The following BMP6 variants were observed in gnomAD, a reference collection of about 807,000 sequenced individuals.
BMP6 encodes bone morphogenetic protein 6, also known as VG-1-R.
In BMP6, 17 loss-of-function variants were observed where a neutral mutation model predicts 54.1. That is an observed-to-expected ratio of 0.31 (90% CI 0.22 to 0.47). BMP6 has a LOEUF of 0.47. Ranked by LOEUF, BMP6 falls within the 20% of genes least tolerant of loss-of-function variation. The pLI is 1.00. For synonymous variants in BMP6, 328 were observed against 291.2 expected, an observed-to-expected ratio of 1.13 and a Z score of -1.28; for missense variants, 720 against 690.4, an observed-to-expected ratio of 1.04 and a Z score of -0.48.
intron 1 of BMP6, among the ~76,000 whole-genome samples, chr6:7,730,768 A>G (rs1761840330): frequency 6.6e-6 from 1 of 152,240 alleles, no homozygotes; most frequent in Non-Finnish European, 1.5e-5. Flanking sequence ...ATTGCTGTCA[A>G]TGCCATGTTA....
rs140428435 is a variant in BMP6 at position 7,826,483 on chromosome 6, T to C, written c.665-18657T>C. On this transcript the variant is annotated intron_variant, in intron 1 of 6. Transcript: ENST00000283147. ...GGCTAATTATGTTACTTACGACTTA[T>C]GTTGCACTGGGCTCCTTAATGCCAA... 4.0e-3 allele frequency among the ~76,000 whole-genome samples: 609 copies of C among 152,302 alleles called. 1 individual carries two copies. The highest frequency in any genetic ancestry group is 4.1e-3 in the Non-Finnish European group (280 of 68,018).
At chr6:7,841,603 T>C (rs13215253) in intron 1 of BMP6, among the ~76,000 whole-genome samples, 4 of 152,110 alleles carry the variant, frequency 2.6e-5, no homozygotes, top group African/African-American at 9.7e-5. Context: ...CAGTGATCAG[T>C]GGCTGAGGTA....
chr6:7,826,062 C>G (rs1164585416), intron 1 of BMP6, among the ~76,000 whole-genome samples: 1 of 152,232 alleles, frequency 6.6e-6, no homozygotes. Flanking sequence ...GTGAAGTGGG[C>G]TCCGGGTACC....
intron 1 of BMP6, among the ~76,000 whole-genome samples, chr6:7,808,951 C>A (rs1758394451): frequency 6.8e-6 from 1 of 147,226 alleles, no homozygotes. Context: ...GGTGAACATT[C>A]ACCTACTCTG....
intron 1 of BMP6, among the ~76,000 whole-genome samples, chr6:7,732,847 CT>C (rs1295297259): frequency 6.6e-6 from 1 of 152,012 alleles, no homozygotes; most frequent in Non-Finnish European, 1.5e-5. Context: ...CAAACCAATC[CT>C]TCACTTTCTG....
At chr6:7,815,049 A>G (rs1184300214) in intron 1 of BMP6, among the ~76,000 whole-genome samples, 1 of 152,166 alleles carries the variant, frequency 6.6e-6, no homozygotes, top group Non-Finnish European at 1.5e-5. Context: ...AAATATTCAA[A>G]TTGTGTGATG....
At chr6:7,758,905 T>C (rs1325536761) in intron 1 of BMP6, among the ~76,000 whole-genome samples, 2 of 152,200 alleles carry the variant, frequency 1.3e-5, no homozygotes, top group East Asian at 1.9e-4. Context: ...GGTGCAGCCA[T>C]GGTAGAATAG....
intron 1 of BMP6, among the ~76,000 whole-genome samples, chr6:7,809,271 ATG>A (rs1372824626): frequency 6.6e-6 from 1 of 152,208 alleles, no homozygotes; most frequent in Non-Finnish European, 1.5e-5. Context: ...AATAGATATC[ATG>A]TGTTTCCTGA....
intron 2 of BMP6, 96 bp downstream of exon 2, chr6:7,845,428 C>CA: frequency 8.3e-7 from 1 of 1,211,900 alleles, no homozygotes; most frequent in Non-Finnish European, 1.1e-6. Context: ...GCAGGGTGAC[C>CA]TGGAGTTCAG....
chr6:7,817,006 A>C (rs2113218808), intron 1 of BMP6, among the ~76,000 whole-genome samples: 2 of 152,342 alleles, frequency 1.3e-5, no homozygotes, highest in South Asian at 4.1e-4. Flanking sequence ...AGAGATCAAT[A>C]AACTCAGAAA....
intron 1 of BMP6, among the ~76,000 whole-genome samples, chr6:7,805,321 T>C (rs565265461): frequency 2.0e-5 from 3 of 152,344 alleles, no homozygotes; most frequent in Middle Eastern, 3.4e-3. Context: ...TCTTTTGGAT[T>C]ACAGAGCTGC....
intron 1 of BMP6, among the ~76,000 whole-genome samples, chr6:7,784,693 C>T (rs1404276271): frequency 6.6e-6 from 1 of 152,110 alleles, no homozygotes; most frequent in East Asian, 1.9e-4. Context: ...GAAGATCAAA[C>T]ACAAAAGAGA....
intron 1 of BMP6, among the ~76,000 whole-genome samples, chr6:7,791,734 A>T (rs894663871): frequency 4.6e-5 from 7 of 152,154 alleles, no homozygotes; most frequent in African/African-American, 1.7e-4. Context: ...CCAGCGAATG[A>T]CGTTGCCATG....
chr6:7,766,429 C>T (rs1040858462), intron 1 of BMP6, among the ~76,000 whole-genome samples: 1 of 152,088 alleles, frequency 6.6e-6, no homozygotes, highest in African/African-American at 2.4e-5. Context: ...GCCTGGGCAA[C>T]ATAGTGGGAC....
At chr6:7,809,315 G>A (rs998490331) in intron 1 of BMP6, among the ~76,000 whole-genome samples, 5 of 152,146 alleles carry the variant, frequency 3.3e-5, no homozygotes, top group African/African-American at 1.2e-4. Flanking sequence ...AGGAAAAAAA[G>A]CTGCTGTTCA....
At chr6:7,819,829 A>G (rs1183334486) in intron 1 of BMP6, among the ~76,000 whole-genome samples, 1 of 152,060 alleles carries the variant, frequency 6.6e-6, no homozygotes, top group Admixed American at 6.6e-5. Flanking sequence ...TTTTTGGGTT[A>G]TTTTTTCTAG....
chr6:7,810,245 GA>G (rs1758416553), intron 1 of BMP6, among the ~76,000 whole-genome samples: 1 of 152,146 alleles, frequency 6.6e-6, no homozygotes, highest in Non-Finnish European at 1.5e-5. Flanking sequence ...CAAGTTGTGG[GA>G]TAACCCCCCA....
chr6:7,776,093 CAA>C (rs1757858651), intron 1 of BMP6, among the ~76,000 whole-genome samples: 1 of 152,256 alleles, frequency 6.6e-6, no homozygotes. Context: ...GTTTTATAAG[CAA>C]GAGAGAGAGT....
chr6:7,801,343 C>T (rs548383052), intron 1 of BMP6, among the ~76,000 whole-genome samples: 18 of 152,296 alleles, frequency 1.2e-4, no homozygotes, highest in South Asian at 4.1e-4. Context: ...TGAGCGGTGA[C>T]GCACTGAGAA....
Sources: allele counts gnomAD v4.1 joint callset (sites outside exome capture counted in the v4.1 genomes callset), GRCh38; gene constraint gnomAD v4.1.1; transcripts MANE v1.5; gene names NCBI Gene and HGNC (gene_info 2026-07-23, HGNC 2026-07-21).